SCARB1: variants seen among roughly 807,000 people sequenced by gnomAD.
SCARB1 encodes scavenger receptor class B member 1.
Under a neutral mutation model 57.2 loss-of-function variants are expected in SCARB1, and 30 were observed. The ratio of observed to expected loss-of-function variants is 0.52; its 90% CI spans 0.39 to 0.71. The LOEUF (loss-of-function observed/expected upper bound fraction) is 0.71, where lower values mean the gene tolerates loss of function less well. SCARB1 is among the 30% of genes least tolerant of loss of function. SCARB1 has a pLI of 0.00. For synonymous variants in SCARB1, 249 were observed against 268.3 expected (o/e 0.93, Z 0.70); for missense variants, 543 against 671.2 (o/e 0.81, Z 2.11).
intron 1 of SCARB1, among the ~76,000 whole-genome samples, chr12:124,831,069 G>A (rs1235805981): frequency 2.0e-5 from 3 of 150,916 alleles, no homozygotes; most frequent in Non-Finnish European, 4.4e-5. Flanking sequence ...TCTGCCTCCC[G>A]GGTTCAAGCA....
intron 10 of SCARB1, among the ~76,000 whole-genome samples, chr12:124,787,181 A>G (rs1949556033): frequency 6.6e-6 from 1 of 152,212 alleles, no homozygotes. Context: ...CTCTTCATGC[A>G]GCTTCTGTCT....
chr12:124,818,569 G>A (rs1168112900), intron 1 of SCARB1, among the ~76,000 whole-genome samples: 2 of 152,152 alleles, frequency 1.3e-5, no homozygotes, highest in East Asian at 1.9e-4. Context: ...GTGTTCAAGC[G>A]ATTCTCCTGC....
chr12:124,844,725 C>T (rs927258423), intron 1 of SCARB1, among the ~76,000 whole-genome samples: 2 of 152,148 alleles, frequency 1.3e-5, no homozygotes, highest in African/African-American at 2.4e-5. Flanking sequence ...TGCCAACATC[C>T]TGATCTCAGA....
chr12:124,829,555 ACT>A (rs34752148), intron 1 of SCARB1, among the ~76,000 whole-genome samples: 51,186 of 151,806 alleles, frequency 0.34, 9,425 homozygotes, highest in Non-Finnish European at 0.43. Flanking sequence ...TGCCTCGCTC[ACT>A]CTGCTCCAGC....
intron 1 of SCARB1, among the ~76,000 whole-genome samples, chr12:124,859,867 C>A (rs1436618471): frequency 6.6e-6 from 1 of 150,398 alleles, no homozygotes; most frequent in Non-Finnish European, 1.5e-5. Context: ...TTTTTTTAAA[C>A]ATAAATAGCA....
Position 124,817,823 on chromosome 12 carries a change from G to T in SCARB1, c.127-116C>A. Reference sequence around the variant, plus strand: ...CCAGGGAAGGGGCTCCTCGGCGGGAGCTTGGGATAGGAGGTGGTGGGAAAG... The same window carrying T: ...CCAGGGAAGGGGCTCCTCGGCGGGATCTTGGGATAGGAGGTGGTGGGAAAG... On this transcript the variant is annotated intron_variant, in intron 1 of 12. Coordinates refer to ENST00000261693, the MANE Select transcript of SCARB1 (RefSeq NM_005505.5). The surrounding 1 kb of genome is among the most constrained non-coding windows in gnomAD (Gnocchi z 4.8). The T allele has an allele frequency of 9.1e-7, 1 of 1,098,358 alleles. No individual in the cohort carries two copies. The highest frequency in any genetic ancestry group is 1.4e-6 in the Non-Finnish European group (1 of 714,148). The allele number at this position is 1,098,358 out of a possible 1,614,324, so 68.0% of individuals were successfully genotyped here.
intron 7 of SCARB1, among the ~76,000 whole-genome samples, chr12:124,802,942 G>A (rs1318367560): frequency 2.6e-5 from 4 of 152,158 alleles, no homozygotes; most frequent in African/African-American, 9.7e-5. Context: ...TGTGCACCAC[G>A]GTCACGGTCG....
chr12:124,808,031 AC>A, intron 6 of SCARB1, 104 bp from the exon 7 acceptor site: 1 of 1,176,050 alleles, frequency 8.5e-7, no homozygotes, highest in Non-Finnish European at 1.3e-6. Context: ...CACGGGCGCT[AC>A]CACCTCCCGG....
rs568289334 is a variant in SCARB1 at position 124,822,444 on chromosome 12, G to A, written c.127-4737C>T. The stretch of plus-strand genomic sequence containing the variant: ...AATCATACTACACAACACCATTTCC[G>A]CGACATCGGGGAAAGGGAATACTCT... On this transcript the variant is annotated intron_variant, in intron 1 of 12. Coordinates refer to ENST00000261693, the MANE Select transcript of SCARB1 (RefSeq NM_005505.5). This position sits in a 1 kb window ranked among gnomAD's most constrained non-coding sequence, Gnocchi z 5.0. Among the ~76,000 whole-genome samples the A allele has an allele frequency of 2.1e-4, 32 of 152,264 alleles. No individual in the cohort carries two copies. Among genetic ancestry groups the A allele is most frequent in the Admixed American group, 9.2e-4 (14 of 15,286 alleles).
chr12:124,791,851 G>A (rs1443063366), intron 9 of SCARB1, among the ~76,000 whole-genome samples: 2 of 152,070 alleles, frequency 1.3e-5, no homozygotes, highest in African/African-American at 4.8e-5. Flanking sequence ...AGCTACGCGG[G>A]AGGCTGAGGC....
chr12:124,840,130 C>A, intron 1 of SCARB1: 2 of 1,202,922 alleles, frequency 1.7e-6, no homozygotes, highest in South Asian at 1.3e-5. Context: ...TCTCATTTCC[C>A]TAACGATGAG....
Position 124,852,001 on chromosome 12 carries a change from C to A in SCARB1, c.126+11594G>T, listed in dbSNP as rs1478612916. On this transcript the variant is annotated intron_variant, in intron 1 of 12. Coordinates refer to ENST00000261693, the MANE Select transcript of SCARB1 (RefSeq NM_005505.5). The stretch of plus-strand genomic sequence containing the variant: ...TAAATGCTCAGGGAGAGAAACACTC[C>A]CAGCCCCAGCCCCATCCAAGACACC... 5.9e-5 allele frequency among the ~76,000 whole-genome samples: 9 copies of A among 152,046 alleles called. No individual in the cohort carries two copies. In the East Asian group the frequency reaches 1.7e-3, roughly 29 times the overall value.
Position 124,778,071 on chromosome 12 carries a change from CA to C in SCARB1, c.*515del, listed in dbSNP as rs1419333847. 1 of 178,616 alleles carries C rather than the reference CA, an allele frequency of 5.6e-6. No homozygotes were observed. Among genetic ancestry groups the C allele is most frequent in the Non-Finnish European group, 1.2e-5 (1 of 86,076 alleles). The allele number at this position is 178,616 out of a possible 1,614,324, so 11.1% of individuals were successfully genotyped here. ...GCTTTGCCTGGCCTGGCAGGTAGAC[CA>C]AGGCCAAAGCTCGTGGCCAGGGCCT... On this transcript the variant is annotated 3_prime_UTR_variant, in exon 13 of 13. Coordinates refer to ENST00000261693, the MANE Select transcript of SCARB1 (RefSeq NM_005505.5).
intron 1 of SCARB1, among the ~76,000 whole-genome samples, chr12:124,843,457 G>A (rs1166531861): frequency 6.6e-6 from 1 of 152,120 alleles, no homozygotes; most frequent in African/African-American, 2.4e-5. Flanking sequence ...ATGTGCAGAG[G>A]TGGAAATCGG....
intron 1 of SCARB1, among the ~76,000 whole-genome samples, chr12:124,861,560 C>A (rs568208148): frequency 6.6e-6 from 1 of 152,226 alleles, no homozygotes; most frequent in African/African-American, 2.4e-5. Context: ...AGCGGGCAGT[C>A]CCTGCTTATG....
In SCARB1 at chr12:124,817,134, A is replaced by ATG. The variant is rs1264055208; in HGVS notation, c.284+414_284+415dup. ...TACGTGTGTATGTATGTATGTGTGTATGTGTATGTGTATGTGTGTGTATGT... is the reference window on the plus strand; with the variant it reads ...TACGTGTGTATGTATGTATGTGTGTATGTGTGTATGTGTATGTGTGTGTATGT... On this transcript the variant is annotated intron_variant, in intron 2 of 12. Transcript: ENST00000261693. The surrounding 1 kb of genome is among the most constrained non-coding windows in gnomAD (Gnocchi z 4.8). Among the ~76,000 whole-genome samples, 1 of 39,138 alleles carries ATG rather than the reference A, an allele frequency of 2.6e-5. No individual in the cohort carries two copies. The highest frequency in any genetic ancestry group is 8.9e-5 in the Non-Finnish European group (1 of 11,294). 25.7% of individuals were successfully genotyped at this position (39,138 alleles called of 152,430 possible).
At chr12:124,809,150 A>G (rs567765809) in intron 6 of SCARB1, among the ~76,000 whole-genome samples, 1 of 151,774 alleles carries the variant, frequency 6.6e-6, no homozygotes, top group Non-Finnish European at 1.5e-5. Context: ...ACAGCCTCCA[A>G]CCTACTCTCC....
intron 1 of SCARB1, among the ~76,000 whole-genome samples, chr12:124,861,523 C>G (rs1024829353): frequency 6.6e-6 from 1 of 152,164 alleles, no homozygotes; most frequent in East Asian, 1.9e-4. Flanking sequence ...AAGTTGCACA[C>G]AGACTCATGT....
intron 1 of SCARB1, among the ~76,000 whole-genome samples, chr12:124,849,485 G>A (rs1952301327): frequency 6.6e-6 from 1 of 152,312 alleles, no homozygotes; most frequent in Middle Eastern, 3.4e-3. Flanking sequence ...GGTATCAATG[G>A]GACCCTGGGA....
Sources: allele counts gnomAD v4.1 joint callset (sites outside exome capture counted in the v4.1 genomes callset), GRCh38; gene constraint gnomAD v4.1.1; non-coding constraint Gnocchi (gnomAD v3.1); transcripts MANE v1.5; gene names NCBI Gene and HGNC (gene_info 2026-07-23, HGNC 2026-07-21).